CTNND2: variants seen among roughly 807,000 people sequenced by gnomAD.
The protein encoded by CTNND2 is catenin delta-2.
A neutral mutation model predicts 144.4 loss-of-function variants in CTNND2; 22 were observed. That is an observed-to-expected ratio of 0.15 (90% CI 0.11 to 0.22). CTNND2 has a LOEUF of 0.22. Among genes scored for constraint, CTNND2 ranks in the 10% least tolerant of loss-of-function variants. CTNND2 has a pLI of 1.00. For synonymous variants in CTNND2, 751 were observed against 695.6 expected (o/e 1.08, Z -1.25); for missense variants, 1,353 against 1,618.8 (o/e 0.84, Z 2.82).
At chr5:11,402,806 T>TC (rs1336923644) in intron 5 of CTNND2, among the ~76,000 whole-genome samples, 1 of 152,228 alleles carries the variant, frequency 6.6e-6, no homozygotes, top group Non-Finnish European at 1.5e-5. Context: ...CTCCAGAATA[T>TC]CTATTTCGTC....
intron 1 of CTNND2, among the ~76,000 whole-genome samples, chr5:11,788,678 T>C (rs946155226): frequency 6.6e-6 from 1 of 152,106 alleles, no homozygotes; most frequent in Non-Finnish European, 1.5e-5. Flanking sequence ...TTAACATTAT[T>C]ATTATTATTA....
At chr5:11,759,802 C>G (rs1011040455) in intron 1 of CTNND2, among the ~76,000 whole-genome samples, 1 of 152,006 alleles carries the variant, frequency 6.6e-6, no homozygotes, top group Non-Finnish European at 1.5e-5. Flanking sequence ...CTATGCAGTA[C>G]TTCTATTATT....
chr5:11,489,407 C>G (rs1410923406), intron 3 of CTNND2, among the ~76,000 whole-genome samples: 1 of 152,112 alleles, frequency 6.6e-6, no homozygotes, highest in African/African-American at 2.4e-5. Context: ...TGACCATATT[C>G]CTAGATAAAA....
chr5:11,524,172 T>G lies in CTNND2; in HGVS notation c.287+40772A>C, dbSNP rs149872671. ...GTGATCCCCTCACTGCACCCCACACTTGCCCCACCTGTGACCTCCACCTTC... is the reference window on the plus strand; with the variant it reads ...GTGATCCCCTCACTGCACCCCACACGTGCCCCACCTGTGACCTCCACCTTC... On this transcript the variant is annotated intron_variant, in intron 3 of 21. Transcript: ENST00000304623. 9.3e-3 allele frequency among the ~76,000 whole-genome samples: 1,412 copies of G among 152,188 alleles called. 17 individuals are homozygous for G. The highest frequency in any genetic ancestry group is 0.032 in the African/African-American group (1,321 of 41,526).
intron 2 of CTNND2, among the ~76,000 whole-genome samples, chr5:11,683,199 A>T (rs1472809781): frequency 6.6e-6 from 1 of 152,194 alleles, no homozygotes; most frequent in East Asian, 1.9e-4. Flanking sequence ...TGTAATGGAG[A>T]CTCAAGACAT....
chr5:11,685,876 C>G (rs770986154), intron 2 of CTNND2, among the ~76,000 whole-genome samples: 8 of 152,132 alleles, frequency 5.3e-5, no homozygotes, highest in Non-Finnish European at 1.0e-4. Flanking sequence ...AATAAGTCCC[C>G]TTAGCATTCA....
At chr5:11,358,294 T>C (rs1471821415) in intron 8 of CTNND2, among the ~76,000 whole-genome samples, 1 of 152,222 alleles carries the variant, frequency 6.6e-6, no homozygotes, top group East Asian at 1.9e-4. Flanking sequence ...AAACACTCTG[T>C]CTTCCTTCAA....
intron 3 of CTNND2, among the ~76,000 whole-genome samples, chr5:11,544,049 C>T (rs888779200): frequency 6.6e-6 from 1 of 151,976 alleles, no homozygotes; most frequent in Admixed American, 6.6e-5. Flanking sequence ...AAGTGAAGGA[C>T]ACTGAAGATT....
At chr5:11,118,595 T>C (rs1450014023) in intron 12 of CTNND2, among the ~76,000 whole-genome samples, 3 of 152,176 alleles carry the variant, frequency 2.0e-5, no homozygotes, top group East Asian at 1.9e-4. Context: ...GATGCTGATG[T>C]TGAGAACTCA....
chr5:11,301,064 T>C (rs10054549), intron 9 of CTNND2, among the ~76,000 whole-genome samples: 33,594 of 152,016 alleles, frequency 0.22, 4,559 homozygotes, highest in African/African-American at 0.39. Context: ...TGGGCTGGGC[T>C]GGAGTGCAGT....
At chr5:11,037,007 T>C (rs1187092808) in intron 16 of CTNND2, among the ~76,000 whole-genome samples, 1 of 152,070 alleles carries the variant, frequency 6.6e-6, no homozygotes, top group African/African-American at 2.4e-5. Flanking sequence ...CTTTTCATTG[T>C]GGAGAGAGGC....
intron 9 of CTNND2, among the ~76,000 whole-genome samples, chr5:11,267,367 C>T (rs765779605): frequency 1.3e-5 from 2 of 152,204 alleles, no homozygotes; most frequent in African/African-American, 4.8e-5. Flanking sequence ...AATGTCTCAT[C>T]TGAGAGGCTT....
At chr5:11,869,554 G>T (rs1254368877) in intron 1 of CTNND2, among the ~76,000 whole-genome samples, 1 of 152,208 alleles carries the variant, frequency 6.6e-6, no homozygotes, top group African/African-American at 2.4e-5. Flanking sequence ...GTAGACTGAT[G>T]TTGGCTATGG....
At chr5:11,162,675 T>G (rs16901331) in intron 11 of CTNND2, among the ~76,000 whole-genome samples, 1 of 150,492 alleles carries the variant, frequency 6.6e-6, no homozygotes, top group Non-Finnish European at 1.5e-5. Flanking sequence ...CTTGGTAAAG[T>G]GGATGGAACG....
chr5:11,359,868 G>A (rs1181208954), intron 8 of CTNND2, among the ~76,000 whole-genome samples: 1 of 152,170 alleles, frequency 6.6e-6, no homozygotes, highest in East Asian at 1.9e-4. Context: ...TGCCTGTTCA[G>A]CTTCATGAAA....
intron 2 of CTNND2, among the ~76,000 whole-genome samples, chr5:11,610,303 C>T (rs1420936693): frequency 6.6e-6 from 1 of 152,152 alleles, no homozygotes; most frequent in African/African-American, 2.4e-5. Context: ...TTCATCTCGC[C>T]TCATACACTG....
intron 2 of CTNND2, among the ~76,000 whole-genome samples, chr5:11,686,872 A>T (rs1784678571): frequency 6.7e-6 from 1 of 148,474 alleles, no homozygotes; most frequent in Admixed American, 6.8e-5. Context: ...TACATACTAC[A>T]TATACTATAT....
At chr5:11,482,545 A>G (rs1351912812) in intron 3 of CTNND2, among the ~76,000 whole-genome samples, 1 of 152,152 alleles carries the variant, frequency 6.6e-6, no homozygotes, top group African/African-American at 2.4e-5. Context: ...CATTCCAGTG[A>G]GGAAGCGGCC....
chr5:10,981,699 T>A, intron 21 of CTNND2, 74 bp downstream of exon 21: 3 of 1,400,354 alleles, frequency 2.1e-6, no homozygotes, highest in East Asian at 4.6e-5. Flanking sequence ...GATGAAAGTT[T>A]ATGTTTAAAA....
Sources: gnomAD v4.1 joint callset for allele counts (sites outside exome capture counted in the v4.1 genomes callset) on GRCh38, gnomAD v4.1.1 for gene constraint, MANE v1.5 for transcripts, NCBI Gene and HGNC (gene_info 2026-07-23, HGNC 2026-07-21) for gene names.